HCN1: variants seen among roughly 807,000 people sequenced by gnomAD.
HCN1 encodes potassium/sodium hyperpolarization-activated cyclic nucleotide-gated channel 1.
Under a neutral mutation model 78.9 loss-of-function variants are expected in HCN1, and 13 were observed. That is an observed-to-expected ratio of 0.16 (90% CI 0.11 to 0.26). The LOEUF (loss-of-function observed/expected upper bound fraction) is 0.26. Ranked by LOEUF, HCN1 falls within the 10% of genes least tolerant of loss-of-function variation. HCN1 has a pLI of 1.00. For missense variants in HCN1, 810 were observed against 1,154.3 expected (o/e 0.70, Z 4.32); for synonymous variants, 552 against 455.5 (o/e 1.21, Z -2.70).
chr5:45,541,371 C>T (rs1743104210), intron 2 of HCN1, among the ~76,000 whole-genome samples: 1 of 152,156 alleles, frequency 6.6e-6, no homozygotes, highest in Admixed American at 6.6e-5. Flanking sequence ...GTTACCCTGC[C>T]TTCTTGTACA....
chr5:45,262,207 T>A lies in HCN1; in HGVS notation c.2387A>T (p.Glu796Val). Residue 796 changes from glutamate to valine, a missense_variant, in exon 8 of 8, where the codon GAG (glutamate) becomes GTG (valine). Transcript: ENST00000303230. ...LSASQPSLPH[E>V]VSTLISRPHP... Reference sequence around the variant, plus strand: ...AGGTCTGGAAATCAGAGTGGACACCTCATGGGGCAGCGAGGGCTGCGAGGC... The same window carrying A: ...AGGTCTGGAAATCAGAGTGGACACCACATGGGGCAGCGAGGGCTGCGAGGC... The A allele has an allele frequency of 6.2e-7, 1 of 1,613,998 alleles. No homozygotes were observed. The highest frequency in any genetic ancestry group is 8.5e-7 in the Non-Finnish European group (1 of 1,180,024).
At chr5:45,580,771 G>T (rs1396715553) in intron 2 of HCN1, among the ~76,000 whole-genome samples, 1 of 152,044 alleles carries the variant, frequency 6.6e-6, no homozygotes, top group African/African-American at 2.4e-5. Flanking sequence ...TCCCACCTAT[G>T]AGTGAGAACA....
At chr5:45,314,963 T>C (rs1023500715) in intron 5 of HCN1, among the ~76,000 whole-genome samples, 1 of 152,108 alleles carries the variant, frequency 6.6e-6, no homozygotes, top group African/African-American at 2.4e-5. Context: ...ACAATAATAA[T>C]GGGAGACTTT....
chr5:45,572,873 C>T (rs1446230309), intron 2 of HCN1, among the ~76,000 whole-genome samples: 1 of 152,010 alleles, frequency 6.6e-6, no homozygotes, highest in Non-Finnish European at 1.5e-5. Flanking sequence ...TATTAAATGT[C>T]ATTGTGATTT....
At chr5:45,372,249 TA>T (rs1561128209) in intron 4 of HCN1, among the ~76,000 whole-genome samples, 3 of 73,408 alleles carry the variant, frequency 4.1e-5, no homozygotes, top group African/African-American at 1.8e-4. Context: ...ATTTTATATA[TA>T]ATATATATTT....
intron 2 of HCN1, among the ~76,000 whole-genome samples, chr5:45,571,507 T>A (rs1027859274): frequency 6.6e-6 from 1 of 152,198 alleles, no homozygotes; most frequent in African/African-American, 2.4e-5. Context: ...GGATGAAAGA[T>A]GTCATCAAAG....
intron 2 of HCN1, among the ~76,000 whole-genome samples, chr5:45,631,956 A>G (rs1745275664): frequency 6.6e-6 from 1 of 152,146 alleles, no homozygotes; most frequent in South Asian, 2.1e-4. Flanking sequence ...GGTAGAAAGG[A>G]AAATAATTAA....
intron 2 of HCN1, among the ~76,000 whole-genome samples, chr5:45,495,509 A>G (rs1742006345): frequency 6.6e-6 from 1 of 151,804 alleles, no homozygotes; most frequent in African/African-American, 2.4e-5. Flanking sequence ...GGCTGAGACA[A>G]TGGGGTTTTC....
intron 5 of HCN1, among the ~76,000 whole-genome samples, chr5:45,305,466 GA>G (rs1336373411): frequency 1.3e-5 from 2 of 152,074 alleles, no homozygotes. Flanking sequence ...TAGCAGCAAA[GA>G]CAAGAGAAAG....
intron 2 of HCN1, among the ~76,000 whole-genome samples, chr5:45,577,771 T>A (rs1234858324): frequency 6.6e-6 from 1 of 152,102 alleles, no homozygotes; most frequent in Non-Finnish European, 1.5e-5. Context: ...TTCTTATACT[T>A]GAGGTTTTAT....
chr5:45,371,718 T>C (rs933552851), intron 4 of HCN1, among the ~76,000 whole-genome samples: 2 of 147,494 alleles, frequency 1.4e-5, no homozygotes, highest in African/African-American at 5.0e-5. Flanking sequence ...GATAGCACCA[T>C]TTCACTCCAG....
chr5:45,581,698 T>C (rs1305465217), intron 2 of HCN1, among the ~76,000 whole-genome samples: 3 of 152,202 alleles, frequency 2.0e-5, no homozygotes, highest in African/African-American at 4.8e-5. Context: ...AATTTTTGTA[T>C]AAGGTGTAAG....
intron 2 of HCN1, among the ~76,000 whole-genome samples, chr5:45,539,384 C>T (rs913463884): frequency 3.6e-4 from 55 of 150,704 alleles, no homozygotes; most frequent in Admixed American, 3.0e-3. Flanking sequence ...TAAATAAGGC[C>T]GGGTGTGGTG....
intron 1 of HCN1, among the ~76,000 whole-genome samples, chr5:45,690,954 C>T (rs945016404): frequency 1.3e-4 from 20 of 151,990 alleles, no homozygotes; most frequent in Non-Finnish European, 4.4e-5. Context: ...GAATTATATT[C>T]AGAATGATAA....
At chr5:45,499,602 T>G (rs139461376) in intron 2 of HCN1, among the ~76,000 whole-genome samples, 246 of 152,288 alleles carry the variant, frequency 1.6e-3, no homozygotes, top group African/African-American at 5.6e-3. Context: ...TTTGGCCATC[T>G]TGGCTCCTCC....
chr5:45,306,597 C>T (rs1202019316), intron 5 of HCN1, among the ~76,000 whole-genome samples: 3 of 151,948 alleles, frequency 2.0e-5, no homozygotes, highest in Non-Finnish European at 4.4e-5. Context: ...TTTCATTCTC[C>T]CATGAAAACT....
At chr5:45,515,593 A>C (rs2111767041) in intron 2 of HCN1, among the ~76,000 whole-genome samples, 1 of 152,130 alleles carries the variant, frequency 6.6e-6, no homozygotes, top group African/African-American at 2.4e-5. Flanking sequence ...CAAGTATATA[A>C]GTTATAACAG....
chr5:45,519,086 G>T (rs2111774508), intron 2 of HCN1, among the ~76,000 whole-genome samples: 1 of 151,962 alleles, frequency 6.6e-6, no homozygotes, highest in Admixed American at 6.6e-5. Flanking sequence ...AGTTATGCTA[G>T]CATAAATTAT....
At chr5:45,690,890 C>A (rs986388466) in intron 1 of HCN1, among the ~76,000 whole-genome samples, 2 of 151,950 alleles carry the variant, frequency 1.3e-5, no homozygotes, top group Non-Finnish European at 2.9e-5. Context: ...AAGTTCTTTT[C>A]CGGAGCCCAA....
Sources: allele counts gnomAD v4.1 joint callset (sites outside exome capture counted in the v4.1 genomes callset), GRCh38; gene constraint gnomAD v4.1.1; transcripts MANE v1.5; gene names NCBI Gene and HGNC (gene_info 2026-07-23, HGNC 2026-07-21).